CHSY3: variants seen among roughly 807,000 people sequenced by gnomAD.
The protein encoded by CHSY3 is chondroitin sulfate synthase 3, also known as N-acetylgalactosaminyl-proteoglycan 3-beta-glucuronosyltransferase 3.
In CHSY3, 35 loss-of-function variants were observed where a neutral mutation model predicts 67.2. That is an observed-to-expected ratio of 0.52 (90% CI 0.40 to 0.69). CHSY3 has a LOEUF of 0.69. CHSY3 is among the 30% of genes least tolerant of loss of function. The pLI is 0.00. For missense variants in CHSY3, 1,069 were observed against 1,138.5 expected (o/e 0.94, Z 0.88); for synonymous variants, 474 against 434.7 (o/e 1.09, Z -1.12).
chr5:129,919,891 G>A (rs1413533710), intron 2 of CHSY3, among the ~76,000 whole-genome samples: 1 of 152,018 alleles, frequency 6.6e-6, no homozygotes, highest in East Asian at 1.9e-4. Flanking sequence ...ATACAGTGTG[G>A]AGTGATTAAA....
At chr5:130,075,860 A>C (rs76766634) in intron 2 of CHSY3, among the ~76,000 whole-genome samples, 1,996 of 152,232 alleles carry the variant, frequency 0.013, 35 homozygotes, top group African/African-American at 0.045. Context: ...CCTCAAATTC[A>C]ATGATGTACC....
intron 2 of CHSY3, among the ~76,000 whole-genome samples, chr5:130,085,349 G>A (rs1461900940): frequency 6.6e-6 from 1 of 151,980 alleles, no homozygotes; most frequent in African/African-American, 2.4e-5. Context: ...AATAGGTAAA[G>A]ATGATTAGAC....
At position 129,978,184 on chromosome 5, in the gene CHSY3, G is replaced by A. The variant is rs151063802; in HGVS notation, c.1086+69824G>A. 5.7e-3 allele frequency among the ~76,000 whole-genome samples: 871 copies of A among 151,686 alleles called. 9 individuals carry two copies. The highest frequency in any genetic ancestry group is 0.02 in the African/African-American group (840 of 41,426). ...GCTTAGAGTACTAATTATTTTGTTG[G>A]CATTTTGGTTATATTTTGCTTTTGA... is the stretch of plus-strand genomic sequence containing the variant. On this transcript the variant is annotated intron_variant, in intron 2 of 2. Transcript: ENST00000305031.
chr5:129,979,216 A>G (rs1762904472), intron 2 of CHSY3, among the ~76,000 whole-genome samples: 1 of 150,438 alleles, frequency 6.6e-6, no homozygotes, highest in Admixed American at 6.6e-5. Flanking sequence ...AAAAAAAAAA[A>G]AAAAAAAAAG....
chr5:130,017,474 G>C (rs1203703542), intron 2 of CHSY3, among the ~76,000 whole-genome samples: 1 of 152,080 alleles, frequency 6.6e-6, no homozygotes, highest in South Asian at 2.1e-4. Flanking sequence ...GGTAGGGAAG[G>C]CTGGGGTAGC....
intron 2 of CHSY3, among the ~76,000 whole-genome samples, chr5:129,952,032 A>T (rs1762037878): frequency 6.6e-6 from 1 of 152,228 alleles, no homozygotes. Context: ...TTAGCTTTTA[A>T]CTTACTACCA....
chr5:130,086,134 T>G (rs1766612540), intron 2 of CHSY3, among the ~76,000 whole-genome samples: 1 of 152,104 alleles, frequency 6.6e-6, no homozygotes, highest in African/African-American at 2.4e-5. Context: ...GTCCGCTTGG[T>G]GCAGAGCTGA....
chr5:130,118,234 G>A (rs1561544448), intron 2 of CHSY3, among the ~76,000 whole-genome samples: 1 of 152,268 alleles, frequency 6.6e-6, no homozygotes, highest in East Asian at 1.9e-4. Flanking sequence ...TCATTTCAGG[G>A]AGGTAAGAAT....
chr5:130,093,846 A>C (rs530904196), intron 2 of CHSY3, among the ~76,000 whole-genome samples: 2 of 152,266 alleles, frequency 1.3e-5, no homozygotes, highest in Admixed American at 6.5e-5. Flanking sequence ...AGCATAGAAA[A>C]AGTCCATATA....
chr5:130,148,020 T>C (rs118041009), intron 2 of CHSY3, among the ~76,000 whole-genome samples: 2 of 152,206 alleles, frequency 1.3e-5, no homozygotes, highest in East Asian at 1.9e-4. Flanking sequence ...TCCATACTCC[T>C]GAAGGGTGCT....
At chr5:130,002,488 G>C (rs529385585) in intron 2 of CHSY3, among the ~76,000 whole-genome samples, 1 of 152,214 alleles carries the variant, frequency 6.6e-6, no homozygotes, top group East Asian at 1.9e-4. Flanking sequence ...AGCTGAGCTT[G>C]CATGGTCCCT....
chr5:130,052,204 G>C (rs1305376303), intron 2 of CHSY3: 1 of 152,178 alleles, frequency 6.6e-6, no homozygotes, highest in Non-Finnish European at 1.5e-5. Context: ...ATCTCTCTCA[G>C]GGGGAGAGAG....
intron 2 of CHSY3, among the ~76,000 whole-genome samples, chr5:129,949,702 A>G (rs1457971868): frequency 6.6e-6 from 1 of 152,194 alleles, no homozygotes; most frequent in East Asian, 1.9e-4. Context: ...ACATACATAC[A>G]AAAATCCCCA....
chr5:129,964,297 T>C (rs1762413517), intron 2 of CHSY3, among the ~76,000 whole-genome samples: 1 of 151,836 alleles, frequency 6.6e-6, no homozygotes, highest in Admixed American at 6.6e-5. Flanking sequence ...GAAGAGAAGG[T>C]GTATCCTTGG....
intron 2 of CHSY3, among the ~76,000 whole-genome samples, chr5:129,940,665 A>ATGTGTGTG (rs138289514): frequency 2.6e-5 from 4 of 151,666 alleles, no homozygotes; most frequent in African/African-American, 9.7e-5. Flanking sequence ...ATCTTTATGC[A>ATGTGTGTG]TGTGTGTGTG....
intron 2 of CHSY3, among the ~76,000 whole-genome samples, chr5:129,973,142 T>G (rs1018902370): frequency 2.6e-5 from 4 of 152,108 alleles, no homozygotes; most frequent in Non-Finnish European, 1.5e-5. Context: ...GAAACCTTTG[T>G]GTCATAGATT....
intron 2 of CHSY3, among the ~76,000 whole-genome samples, chr5:130,127,510 C>T (rs1194800452): frequency 6.6e-6 from 1 of 152,160 alleles, no homozygotes; most frequent in Non-Finnish European, 1.5e-5. Flanking sequence ...TTTAATAATA[C>T]CATAAACGTT....
intron 2 of CHSY3, among the ~76,000 whole-genome samples, chr5:130,059,790 G>C (rs116113426): frequency 2.0e-5 from 3 of 152,010 alleles, no homozygotes; most frequent in African/African-American, 7.2e-5. Context: ...CTTTTCAAAA[G>C]AGTTATCAAC....
intron 2 of CHSY3, among the ~76,000 whole-genome samples, chr5:129,961,681 C>T (rs116766790): frequency 6.6e-6 from 1 of 151,992 alleles, no homozygotes; most frequent in Non-Finnish European, 1.5e-5. Context: ...CCTTTTCTCT[C>T]CATTAGCCTC....
Sources: allele counts gnomAD v4.1 joint callset (sites outside exome capture counted in the v4.1 genomes callset), GRCh38; gene constraint gnomAD v4.1.1; transcripts MANE v1.5; gene names NCBI Gene and HGNC (gene_info 2026-07-23, HGNC 2026-07-21).